Variants in CFAP157 observed in about 807,000 individuals in gnomAD.
CFAP157 encodes the protein cilia and flagella associated protein 157.
Under a neutral mutation model 57.8 loss-of-function variants are expected in CFAP157, and 43 were observed. The observed-to-expected ratio is 0.74, with a 90% CI of 0.58 to 0.96. CFAP157 has a LOEUF of 0.96. Among genes scored for constraint, CFAP157 ranks in the 40% least tolerant of loss-of-function variants. The pLI is 0.00. For synonymous variants in CFAP157, 267 were observed against 269.0 expected (o/e 0.99, Z 0.07); for missense variants, 606 against 655.3 (o/e 0.92, Z 0.82).
intron 6 of CFAP157, 69 bp downstream of exon 6, chr9:127,712,418 G>T: frequency 6.3e-7 from 1 of 1,578,740 alleles, no homozygotes; most frequent in Non-Finnish European, 8.6e-7. Context: ...GCTGCTTGCA[G>T]AGAAGGGGCT....
In CFAP157 at chr9:127,712,689, C is replaced by T; in HGVS notation, c.1138-20C>T. The T allele has an allele frequency of 6.2e-7, 1 of 1,614,066 alleles. No individual in the cohort carries two copies. The highest frequency in any genetic ancestry group is 8.5e-7 in the Non-Finnish European group (1 of 1,179,994). On this transcript the variant is annotated intron_variant, in intron 6 of 8. Transcript: ENST00000373295. Reference sequence around the variant, plus strand: ...ACTGGGGCCACTGTGGGCCTGCTGCCACCCCACCCTCACCAACAGATGCAC... The same window carrying T: ...ACTGGGGCCACTGTGGGCCTGCTGCTACCCCACCCTCACCAACAGATGCAC...
chr9:127,711,791 A>G (rs1172594950), intron 4 of CFAP157, 29 bp from the exon 5 acceptor site: 2 of 1,548,130 alleles, frequency 1.3e-6, no homozygotes, highest in African/African-American at 1.4e-5. Flanking sequence ...GGGCAGGCTG[A>G]GGGCATGGCC....
At position 127,715,492 on chromosome 9, in the gene CFAP157, G is replaced by T; in HGVS notation, c.*1587G>T. 1 of 1,611,454 alleles carries T rather than the reference G, an allele frequency of 6.2e-7. No homozygotes were observed. Among genetic ancestry groups the T allele is most frequent in the East Asian group, 2.2e-5 (1 of 44,840 alleles). ...ACTCGGCTCCCGGGACATAATGGCC[G>T]AACTGAAGCTAGGGACCGGGAGCCC... On this transcript the variant is annotated 3_prime_UTR_variant, in exon 9 of 9. Transcript: ENST00000373295. The surrounding 1 kb of genome is among the most constrained non-coding windows in gnomAD (Gnocchi z 5.8).
At chr9:127,712,095 G>A (rs960195885) in intron 5 of CFAP157, 104 bp from the exon 6 acceptor site, 20 of 1,524,130 alleles carry the variant, frequency 1.3e-5, no homozygotes, top group Non-Finnish European at 1.7e-5. Context: ...GGGCGGGATG[G>A]GGGCCCCTGT....
rs925982779 is a variant in CFAP157 at position 127,715,262 on chromosome 9, G to A, written c.*1357G>A. The A allele has an allele frequency of 7.4e-6, 11 of 1,476,998 alleles. No individual in the cohort carries two copies. Among genetic ancestry groups the A allele is most frequent in the African/African-American group, 1.4e-5 (1 of 71,850 alleles). 91.5% of individuals were successfully genotyped at this position (1,476,998 alleles called of 1,614,324 possible). On this transcript the variant is annotated 3_prime_UTR_variant, in exon 9 of 9. Transcript: ENST00000373295. This position sits in a 1 kb window ranked among gnomAD's most constrained non-coding sequence, Gnocchi z 5.8. ...CACCCCCGATCTCACAGCGTCCCGT[G>A]GGCCCCAACGCAGAGGAGCGGAAAC...
chr9:127,707,622 C>A (rs1013288522), intron 1 of CFAP157, among the ~76,000 whole-genome samples: 3 of 152,176 alleles, frequency 2.0e-5, no homozygotes, highest in Non-Finnish European at 4.4e-5. Flanking sequence ...AGTTGTTTCT[C>A]CATGCTGGGC....
Position 127,713,006 on chromosome 9 carries a change from C to T in CFAP157, c.1305-14C>T, listed in dbSNP as rs960997152. 1.2e-6 allele frequency: 2 copies of T among 1,610,378 alleles called. No homozygotes were observed. Among genetic ancestry groups the T allele is most frequent in the South Asian group, 1.1e-5 (1 of 90,442 alleles). On this transcript the variant is annotated splice_polypyrimidine_tract_variant and intron_variant, in intron 7 of 8. Coordinates refer to ENST00000373295, the MANE Select transcript of CFAP157 (RefSeq NM_001012502.3). ...TCGCCGAAGGCTCTGTGACCCTCGG[C>T]CCCCTCCCCACAGCCGGCCCAGCAT...
At chr9:127,708,415 T>C (rs1842693898) in intron 1 of CFAP157, among the ~76,000 whole-genome samples, 1 of 152,156 alleles carries the variant, frequency 6.6e-6, no homozygotes, top group Non-Finnish European at 1.5e-5. Context: ...AGGCAGAGGT[T>C]GCAGAGAGCC....
intron 8 of CFAP157, 169 bp from the exon 9 acceptor site, chr9:127,713,665 C>T: frequency 3.8e-6 from 2 of 530,804 alleles, no homozygotes; most frequent in South Asian, 1.9e-5. Flanking sequence ...CACCACCATG[C>T]CTGGCTACTT....
intron 1 of CFAP157, among the ~76,000 whole-genome samples, chr9:127,707,564 C>G (rs1433772764): frequency 6.6e-6 from 1 of 152,186 alleles, no homozygotes; most frequent in Non-Finnish European, 1.5e-5. Context: ...ACTTCCACTT[C>G]CTGGCAGTGG....
intron 4 of CFAP157, 120 bp downstream of exon 4, chr9:127,711,616 G>C: frequency 3.0e-6 from 4 of 1,319,574 alleles, no homozygotes; most frequent in Non-Finnish European, 4.1e-6. Flanking sequence ...AGCAGAGAGA[G>C]GACTGGGCCT....
Position 127,711,803 on chromosome 9 carries a change from C to T in CFAP157, c.856-17C>T, listed in dbSNP as rs1301550627. The T allele has an allele frequency of 6.4e-7, 1 of 1,552,932 alleles. No homozygotes were observed. Among genetic ancestry groups the T allele is most frequent in the South Asian group, 1.2e-5 (1 of 83,806 alleles). ...ACAGGGCAGGCTGAGGGCATGGCCA[C>T]CTGTCCGCACCCGCAGATCATCCTC... On this transcript the variant is annotated splice_polypyrimidine_tract_variant and intron_variant, in intron 4 of 8. Coordinates refer to ENST00000373295, the MANE Select transcript of CFAP157 (RefSeq NM_001012502.3).
intron 5 of CFAP157, 119 bp downstream of exon 5, chr9:127,712,069 G>A (rs1842778546): frequency 1.5e-5 from 23 of 1,503,752 alleles, no homozygotes; most frequent in Non-Finnish European, 2.0e-5. Context: ...GAGCCTGCCA[G>A]ACAGGCTGAG....
Position 127,709,711 on chromosome 9 carries a change from TG to T in CFAP157, c.433+20del. 2 of 1,607,152 alleles carry T rather than the reference TG, an allele frequency of 1.2e-6. No individual in the cohort carries two copies. The highest frequency in any genetic ancestry group is 1.7e-6 in the Non-Finnish European group (2 of 1,175,874). On this transcript the variant is annotated intron_variant, in intron 2 of 8. Transcript: ENST00000373295. This position sits in a 1 kb window ranked among gnomAD's most constrained non-coding sequence, Gnocchi z 4.7. ...CATCCTTGGTGAGGAGGGGACTGGC[TG>T]GTGAGCCTGCAGGCACACATCCCAG...
In CFAP157 at chr9:127,714,402, A is replaced by T. The variant is rs752727564; in HGVS notation, c.*497A>T. ...ACATTGGAGTTGAGGCAGCTAATGC[A>T]GGAACGGACTCCATTGTGGCCCCTT... On this transcript the variant is annotated 3_prime_UTR_variant, in exon 9 of 9. Transcript: ENST00000373295. 5 of 1,614,228 alleles carry T rather than the reference A, an allele frequency of 3.1e-6. No individual in the cohort carries two copies. Among genetic ancestry groups the T allele is most frequent in the Admixed American group, 1.7e-5 (1 of 60,024 alleles).
chr9:127,712,971 G>C, intron 7 of CFAP157, 49 bp from the exon 8 acceptor site: 1 of 1,601,774 alleles, frequency 6.2e-7, no homozygotes, highest in Non-Finnish European at 8.5e-7. Context: ...CCCTGGGCCA[G>C]AAACCTGGCT....
chr9:127,712,361 G>A lies in CFAP157; in HGVS notation c.1137+12G>A. On this transcript the variant is annotated intron_variant, in intron 6 of 8. Transcript: ENST00000373295. ...AGAACATTCTGCAGGTGAGCAGAAG[G>A]GAGAGAGGGAGGGCGCAAGGGGAGG... 6.2e-6 allele frequency: 10 copies of A among 1,613,224 alleles called. No homozygotes were observed. The highest frequency in any genetic ancestry group is 8.5e-6 in the Non-Finnish European group (10 of 1,179,664).
chr9:127,713,708 T>C, intron 8 of CFAP157, 126 bp from the exon 9 acceptor site: 3 of 709,904 alleles, frequency 4.2e-6, no homozygotes, highest in Non-Finnish European at 7.5e-6. Flanking sequence ...GGTTTCACCA[T>C]GTTGGCCAGG....
rs756501202 is a variant in CFAP157 at position 127,709,659 on chromosome 9, C to T, written c.399C>T (p.Thr133=). The T allele has an allele frequency of 2.5e-6, 4 of 1,613,570 alleles. No individual in the cohort carries two copies. The highest frequency in any genetic ancestry group is 1.7e-5 in the Admixed American group (1 of 59,988). Residue 133 remains threonine, a synonymous_variant, in exon 2 of 9, where the codon ACC becomes ACT. Coordinates refer to ENST00000373295, the MANE Select transcript of CFAP157 (RefSeq NM_001012502.3). The surrounding 1 kb of genome is among the most constrained non-coding windows in gnomAD (Gnocchi z 4.7). ...AGGTGCGCCACGAGTTCCAGGAGACCAAGGACCAGCTCACCACGGAGAACA... is the reference window on the plus strand; with the variant it reads ...AGGTGCGCCACGAGTTCCAGGAGACTAAGGACCAGCTCACCACGGAGAACA... ...LAQVRHEFQE[T]KDQLTTENII...
Sources: allele counts gnomAD v4.1 joint callset (sites outside exome capture counted in the v4.1 genomes callset), GRCh38; gene constraint gnomAD v4.1.1; non-coding constraint Gnocchi (gnomAD v3.1); transcripts MANE v1.5; gene names NCBI Gene and HGNC (gene_info 2026-07-23, HGNC 2026-07-21).